Variants in RASGRF1 observed in about 807,000 individuals in gnomAD.
RASGRF1 encodes the protein ras-specific guanine nucleotide-releasing factor 1.
A neutral mutation model predicts 138.7 loss-of-function variants in RASGRF1; 40 were observed. That is an observed-to-expected ratio of 0.29 (90% CI 0.22 to 0.38). RASGRF1 has a LOEUF of 0.38. Among genes scored for constraint, RASGRF1 ranks in the 10% least tolerant of loss-of-function variants. RASGRF1 has a pLI of 1.00. For synonymous variants in RASGRF1, 614 were observed against 663.2 expected (o/e 0.93, Z 1.14); for missense variants, 1,108 against 1,650.4 (o/e 0.67, Z 5.69).
chr15:78,993,460 T>C (rs1196692586), intron 20 of RASGRF1, among the ~76,000 whole-genome samples: 1 of 151,750 alleles, frequency 6.6e-6, no homozygotes, highest in Non-Finnish European at 1.5e-5. Context: ...GGGAAGGGTG[T>C]GTAGAGAAAC....
chr15:78,968,584 G>GAT (rs149342169), intron 26 of RASGRF1, among the ~76,000 whole-genome samples: 4,404 of 150,592 alleles, frequency 0.029, 212 homozygotes, highest in African/African-American at 0.098. Context: ...ACTCCCAGCT[G>GAT]ATATATATAT....
chr15:78,998,267 T>C, intron 18 of RASGRF1, 59 bp from the exon 19 acceptor site: 1 of 1,399,888 alleles, frequency 7.1e-7, no homozygotes, highest in Non-Finnish European at 1.0e-6. Context: ...TCTGCAGTGG[T>C]CTGGGCCCAG....
intron 2 of RASGRF1, among the ~76,000 whole-genome samples, chr15:79,061,413 A>AAAATAT (rs145875273): frequency 8.5e-6 from 1 of 117,060 alleles, no homozygotes; most frequent in East Asian, 2.6e-4. Flanking sequence ...CTATCTTTAA[A>AAAATAT]ATATATATAT....
rs376297007 is a variant in RASGRF1, at chr15:79,032,354, C to G, written c.959-38G>C. On this transcript the variant is annotated intron_variant, in intron 6 of 26. Coordinates refer to ENST00000558480, the MANE Select transcript of RASGRF1 (RefSeq NM_001145648.3). This position sits in a 1 kb window ranked among gnomAD's most constrained non-coding sequence, Gnocchi z 4.5. ...GGCAGTCAGCGGGTGGCTAGGGCAG[C>G]TTGGTGGGGACAGAATCCCCTAGGC... is the stretch of plus-strand genomic sequence containing the variant. 8 of 1,598,632 alleles carry G rather than the reference C, an allele frequency of 5.0e-6. No individual in the cohort carries two copies. Among genetic ancestry groups the G allele is most frequent in the Non-Finnish European group, 6.8e-6 (8 of 1,168,434 alleles).
At chr15:79,088,426 G>T (rs1746960115) in intron 1 of RASGRF1, among the ~76,000 whole-genome samples, 1 of 152,194 alleles carries the variant, frequency 6.6e-6, no homozygotes. Context: ...TCATTTTGTA[G>T]ATTACAAAAT....
intron 15 of RASGRF1, 142 bp from the exon 16 acceptor site, chr15:79,001,929 G>T: frequency 1.9e-6 from 1 of 520,946 alleles, no homozygotes; most frequent in Non-Finnish European, 2.9e-6. Context: ...AAGTTTAACA[G>T]CTTTGTTTCC....
chr15:79,003,290 C>T (rs2056581489), intron 15 of RASGRF1, among the ~76,000 whole-genome samples: 1 of 152,236 alleles, frequency 6.6e-6, no homozygotes, highest in African/African-American at 2.4e-5. Context: ...TAATGGTGTT[C>T]CCACCCCAAC....
At chr15:79,021,074 C>A (rs944397794) in intron 10 of RASGRF1, among the ~76,000 whole-genome samples, 4 of 152,158 alleles carry the variant, frequency 2.6e-5, no homozygotes, top group Admixed American at 1.3e-4. Flanking sequence ...AAAAGGATAC[C>A]CCGGCCCCAG....
At position 79,027,612 on chromosome 15, in the gene RASGRF1, C is replaced by G. The variant is rs1683672367; in HGVS notation, c.1381+129G>C. The G allele has an allele frequency of 2.7e-6, 2 of 741,088 alleles. No individual in the cohort carries two copies. The highest frequency in any genetic ancestry group is 4.6e-6 in the Non-Finnish European group (2 of 432,394). 45.9% of individuals were successfully genotyped at this position (741,088 alleles called of 1,614,324 possible). A position where few individuals can be genotyped will look rare whatever the true frequency, so the allele number is the denominator to read the frequency against. On this transcript the variant is annotated intron_variant, in intron 9 of 26. Coordinates refer to ENST00000558480, the MANE Select transcript of RASGRF1 (RefSeq NM_001145648.3). This position sits in a 1 kb window ranked among gnomAD's most constrained non-coding sequence, Gnocchi z 4.8. ...ATTCCGCCAGCAGCCTGGGAATATT[C>G]TGCAATCACATTGGCAGGTCTTGGC...
intron 22 of RASGRF1, 154 bp from the exon 23 acceptor site, chr15:78,985,358 G>A: frequency 1.3e-6 from 1 of 775,952 alleles, no homozygotes; most frequent in Non-Finnish European, 2.0e-6. Flanking sequence ...AGGGTTGCTG[G>A]CTAAAGGTTC....
chr15:78,985,288 G>A lies in RASGRF1; in HGVS notation c.3217-84C>T, dbSNP rs983608489. The A allele has an allele frequency of 2.8e-5, 37 of 1,325,898 alleles. No individual in the cohort carries two copies. In the African/African-American group the frequency reaches 4.4e-4, roughly 16 times the overall value. 82.1% of individuals were successfully genotyped at this position (1,325,898 alleles called of 1,614,324 possible). ...ATGGTCACTATTTGCAGATATGATT[G>A]CCTGCTTGAAAATACAAGAAGGAAT... On this transcript the variant is annotated intron_variant, in intron 22 of 26. Coordinates refer to ENST00000558480, the MANE Select transcript of RASGRF1 (RefSeq NM_001145648.3).
At position 79,046,442 on chromosome 15, in the gene RASGRF1, C is replaced by T. The variant is rs1474644221; in HGVS notation, c.878+304G>A. ...CCCATTAGATGCCAACAGCAACCTC[C>T]CTCAAGTGGTGACAATCAACAATGT... On this transcript the variant is annotated intron_variant, in intron 5 of 26. Coordinates refer to ENST00000558480, the MANE Select transcript of RASGRF1 (RefSeq NM_001145648.3). This position sits in a 1 kb window ranked among gnomAD's most constrained non-coding sequence, Gnocchi z 5.3. 6.6e-6 allele frequency among the ~76,000 whole-genome samples: 1 copy of T among 152,214 alleles called. No individual in the cohort carries two copies. The highest frequency in any genetic ancestry group is 1.5e-5 in the Non-Finnish European group (1 of 68,042).
At chr15:79,021,639 G>A (rs990408703) in intron 10 of RASGRF1, among the ~76,000 whole-genome samples, 1 of 152,214 alleles carries the variant, frequency 6.6e-6, no homozygotes, top group Non-Finnish European at 1.5e-5. Flanking sequence ...TTGAATTTTA[G>A]CTTATGGCTA....
intron 1 of RASGRF1, among the ~76,000 whole-genome samples, chr15:79,088,058 A>G (rs2058005431): frequency 6.6e-6 from 1 of 152,196 alleles, no homozygotes; most frequent in African/African-American, 2.4e-5. Context: ...TACTGCTAGG[A>G]TGATTCAATA....
intron 1 of RASGRF1, among the ~76,000 whole-genome samples, chr15:79,078,150 T>C (rs2057864241): frequency 7.0e-6 from 1 of 143,750 alleles, no homozygotes. Context: ...TGTGTGTGTG[T>C]GTGCATGCAT....
At chr15:79,053,253 GA>G (rs1027924220) in intron 3 of RASGRF1, among the ~76,000 whole-genome samples, 1 of 149,962 alleles carries the variant, frequency 6.7e-6, no homozygotes, top group African/African-American at 2.5e-5. Context: ...CGACAAGATC[GA>G]AAAAAAAAGA....
At chr15:79,066,688 G>A (rs2057685279) in intron 1 of RASGRF1, among the ~76,000 whole-genome samples, 1 of 152,186 alleles carries the variant, frequency 6.6e-6, no homozygotes, top group Admixed American at 6.5e-5. Flanking sequence ...ATGGCTCCCT[G>A]CTACCCATGT....
chr15:79,011,791 G>A (rs2056799642), intron 13 of RASGRF1, among the ~76,000 whole-genome samples: 2 of 152,164 alleles, frequency 1.3e-5, no homozygotes, highest in Non-Finnish European at 1.5e-5. Flanking sequence ...CCTCCCATCT[G>A]CACACACACT....
rs2057352559 is a variant in RASGRF1, at chr15:79,046,212, C to T, written c.878+534G>A. On this transcript the variant is annotated intron_variant, in intron 5 of 26. Transcript: ENST00000558480. The surrounding 1 kb of genome is among the most constrained non-coding windows in gnomAD (Gnocchi z 5.3). ...GGCACCTGAGAATTCTAAGTTTCAACCTGGCCTCCAGGTCATTATGATGGT... is the reference window on the plus strand; with the variant it reads ...GGCACCTGAGAATTCTAAGTTTCAATCTGGCCTCCAGGTCATTATGATGGT... Among the ~76,000 whole-genome samples the T allele has an allele frequency of 6.6e-6, 1 of 152,196 alleles. No homozygotes were observed. Among genetic ancestry groups the T allele is most frequent in the Admixed American group, 6.5e-5 (1 of 15,286 alleles).
Sources: gnomAD v4.1 joint callset for allele counts (sites outside exome capture counted in the v4.1 genomes callset) on GRCh38, gnomAD v4.1.1 for gene constraint, Gnocchi (gnomAD v3.1) non-coding constraint, MANE v1.5 for transcripts, NCBI Gene and HGNC (gene_info 2026-07-23, HGNC 2026-07-21) for gene names.